PDZD2: variants seen among roughly 807,000 people sequenced by gnomAD.
PDZD2 encodes PDZ domain containing 2.
In PDZD2, 90 loss-of-function variants were observed where a neutral mutation model predicts 220.7. The observed-to-expected ratio is 0.41, with a 90% CI of 0.34 to 0.49. The LOEUF (loss-of-function observed/expected upper bound fraction) is 0.49, where lower values mean the gene tolerates loss of function less well. PDZD2 is among the 20% of genes least tolerant of loss of function. The pLI, the probability that PDZD2 is intolerant of heterozygous loss-of-function variation, is 0.28. For synonymous variants in PDZD2, 1,375 were observed against 1,450.5 expected (o/e 0.95, Z 1.18); for missense variants, 3,174 against 3,608.5 (o/e 0.88, Z 3.08).
intron 2 of PDZD2, among the ~76,000 whole-genome samples, chr5:31,818,145 G>GTT (rs999767352): frequency 1.3e-5 from 2 of 149,952 alleles, no homozygotes; most frequent in Non-Finnish European, 3.0e-5. Context: ...AATGTTTTGT[G>GTT]TTTTTTTTTA....
intron 1 of PDZD2, among the ~76,000 whole-genome samples, chr5:31,771,651 A>T (rs1469354829): frequency 6.6e-6 from 1 of 152,248 alleles, no homozygotes; most frequent in Non-Finnish European, 1.5e-5. Flanking sequence ...CTTACTCATC[A>T]GCAAGAACAA....
chr5:31,730,146 A>G (rs1199287556), intron 1 of PDZD2, among the ~76,000 whole-genome samples: 2 of 152,122 alleles, frequency 1.3e-5, no homozygotes, highest in Non-Finnish European at 2.9e-5. Flanking sequence ...GTTATTAATA[A>G]CTATTTGCTG....
At position 32,110,507 on chromosome 5, in the gene PDZD2, C is replaced by T. The variant is rs554610368; in HGVS notation, c.*2372C>T. On this transcript the variant is annotated 3_prime_UTR_variant, in exon 25 of 25. Transcript: ENST00000438447. ...GTATTTCTAATTAGCCTAATAAATT[C>T]CCACACTTTCTGAAGTGAACACTAA... 26 of 152,744 alleles carry T rather than the reference C, an allele frequency of 1.7e-4. No individual in the cohort carries two copies. Among genetic ancestry groups the T allele is most frequent in the African/African-American group, 6.0e-4 (25 of 41,560 alleles). The allele number at this position is 152,744 out of a possible 1,614,324, so 9.5% of individuals were successfully genotyped here.
At chr5:31,775,664 C>CGTGTGTGTTT (rs1554073327) in intron 1 of PDZD2, among the ~76,000 whole-genome samples, 1 of 135,374 alleles carries the variant, frequency 7.4e-6, no homozygotes, top group Non-Finnish European at 1.6e-5. Flanking sequence ...ACTCACAGAG[C>CGTGTGTGTTT]GTGTGTGTGT....
At chr5:31,733,692 A>G (rs561449238) in intron 1 of PDZD2, among the ~76,000 whole-genome samples, 2 of 152,326 alleles carry the variant, frequency 1.3e-5, no homozygotes, top group East Asian at 3.9e-4. Flanking sequence ...CGAAGCCAGT[A>G]CATTCAGAAA....
chr5:32,053,253 A>G (rs1162362536), intron 9 of PDZD2, among the ~76,000 whole-genome samples: 1 of 152,272 alleles, frequency 6.6e-6, no homozygotes, highest in Non-Finnish European at 1.5e-5. Context: ...AGCTTCAGGG[A>G]GTACCCTTGG....
chr5:31,791,290 GA>G (rs1753709477), intron 1 of PDZD2, among the ~76,000 whole-genome samples: 1 of 151,954 alleles, frequency 6.6e-6, no homozygotes, highest in South Asian at 2.1e-4. Context: ...ACTTTGCTGA[GA>G]GTGAAAAAGC....
At chr5:31,766,195 A>G (rs1172698986) in intron 1 of PDZD2, among the ~76,000 whole-genome samples, 3 of 152,040 alleles carry the variant, frequency 2.0e-5, no homozygotes, top group Non-Finnish European at 2.9e-5. Context: ...AAACAAACAA[A>G]CAAAAATTCT....
At chr5:31,819,058 C>T (rs1423403922) in intron 2 of PDZD2, among the ~76,000 whole-genome samples, 1 of 152,192 alleles carries the variant, frequency 6.6e-6, no homozygotes, top group Non-Finnish European at 1.5e-5. Flanking sequence ...TTTGTCACTA[C>T]AACCAGCTAT....
At chr5:31,879,677 C>G (rs2150334424) in intron 2 of PDZD2, among the ~76,000 whole-genome samples, 1 of 152,178 alleles carries the variant, frequency 6.6e-6, no homozygotes, top group Non-Finnish European at 1.5e-5. Context: ...TGTGCAGCAG[C>G]CTTCAGAGAT....
chr5:31,639,734 C>CA lies in PDZD2; in HGVS notation c.-361+299dup, dbSNP rs1439209677. 2.0e-5 allele frequency among the ~76,000 whole-genome samples: 3 copies of CA among 152,130 alleles called. No individual in the cohort carries two copies. Among genetic ancestry groups the CA allele is most frequent in the Admixed American group, 1.3e-4 (2 of 15,276 alleles). ...CCGGAGACGCACTGCCGGGGGTACT[C>CA]AAGACAGGGCCGGGACCTCCTGCTC... On this transcript the variant is annotated intron_variant, in intron 1 of 24. Coordinates refer to ENST00000438447, the MANE Select transcript of PDZD2 (RefSeq NM_178140.4). The surrounding 1 kb of genome is among the most constrained non-coding windows in gnomAD (Gnocchi z 4.1).
intron 2 of PDZD2, among the ~76,000 whole-genome samples, chr5:31,972,950 T>G (rs181852322): frequency 4.1e-4 from 62 of 152,346 alleles, no homozygotes; most frequent in African/African-American, 1.4e-3. Flanking sequence ...AGTAATTTAA[T>G]AAAGAAATGC....
intron 1 of PDZD2, among the ~76,000 whole-genome samples, chr5:31,774,938 G>A (rs1752551248): frequency 6.6e-6 from 1 of 152,196 alleles, no homozygotes; most frequent in Non-Finnish European, 1.5e-5. Context: ...CTGATTTGTA[G>A]CATTTGCCAA....
At position 32,074,242 on chromosome 5, in the gene PDZD2, C is replaced by G; in HGVS notation, c.3136C>G (p.Pro1046Ala). ...GSSVDLEESIPEGMVDAASYA... is the reference protein window; with the variant it reads ...GSSVDLEESIAEGMVDAASYA... ...CTCAGTGGACTTAGAGGAGAGTATC[C>G]CAGAGGGCATGGTGGATGCTGCGTC... Residue 1046 changes from proline (P) to alanine (A), a missense_variant, in exon 18 of 25, where the codon CCA (proline) becomes GCA (alanine). By Grantham distance (27) the Pro-to-Ala change is conservative (BLOSUM62 -1). Transcript: ENST00000438447. 1 of 1,614,170 alleles carries G rather than the reference C, an allele frequency of 6.2e-7. No individual in the cohort carries two copies. The highest frequency in any genetic ancestry group is 8.5e-7 in the Non-Finnish European group (1 of 1,180,038).
chr5:31,690,802 C>T lies in PDZD2; in HGVS notation c.-361+51365C>T, dbSNP rs535138186. Among the ~76,000 whole-genome samples, 31 of 152,318 alleles carry T rather than the reference C, an allele frequency of 2.0e-4. 1 individual carries two copies. The highest frequency in any genetic ancestry group is 7.5e-4 in the African/African-American group (31 of 41,576). On this transcript the variant is annotated intron_variant, in intron 1 of 24. Transcript: ENST00000438447. ...CAAAAACTTTTTCCAAATAATGTAA[C>T]ATTCACAGGTTCTGGGAATTAGGAT... is the stretch of plus-strand genomic sequence containing the variant.
rs147934134 is a variant in PDZD2 at position 31,815,536 on chromosome 5, A to G, written c.476+15812A>G. 4.8e-3 allele frequency among the ~76,000 whole-genome samples: 726 copies of G among 152,304 alleles called. 1 individual carries two copies. Among genetic ancestry groups the G allele is most frequent in the Non-Finnish European group, 7.2e-3 (493 of 68,026 alleles). On this transcript the variant is annotated intron_variant, in intron 2 of 24. Coordinates refer to ENST00000438447, the MANE Select transcript of PDZD2 (RefSeq NM_178140.4). ...TCAGCATCTGGTGTCTCACTGCTAC[A>G]AAGAGTCTGTTTTGTCTGTCTTGAA... is the stretch of plus-strand genomic sequence containing the variant.
Position 32,084,988 on chromosome 5 carries a change from G to C in PDZD2, c.3683-2143G>C, listed in dbSNP as rs190917339. On this transcript the variant is annotated intron_variant, in intron 19 of 24. Transcript: ENST00000438447. ...TTTTTTTTTTTTGAGACAGAGTCTT[G>C]CTCTGTTGCCCAGGCTTGAAGGCAG... is the stretch of plus-strand genomic sequence containing the variant. 3.6e-5 allele frequency among the ~76,000 whole-genome samples: 4 copies of C among 111,736 alleles called. No homozygotes were observed. The East Asian group carries it at 1.1e-3, about 30-fold the overall frequency. 73.3% of individuals were successfully genotyped at this position (111,736 alleles called of 152,430 possible).
intron 1 of PDZD2, among the ~76,000 whole-genome samples, chr5:31,720,510 G>A (rs1748724875): frequency 6.6e-6 from 1 of 152,126 alleles, no homozygotes; most frequent in South Asian, 2.1e-4. Context: ...ATTAATAGGA[G>A]GAAAAGAATA....
At chr5:31,832,184 G>A (rs1180534286) in intron 2 of PDZD2, among the ~76,000 whole-genome samples, 2 of 152,104 alleles carry the variant, frequency 1.3e-5, no homozygotes, top group Non-Finnish European at 2.9e-5. Flanking sequence ...TGAGCCTGGC[G>A]TGATTCCATT....
Sources: allele counts gnomAD v4.1 joint callset (sites outside exome capture counted in the v4.1 genomes callset), GRCh38; gene constraint gnomAD v4.1.1; non-coding constraint Gnocchi (gnomAD v3.1); transcripts MANE v1.5; gene names NCBI Gene and HGNC (gene_info 2026-07-23, HGNC 2026-07-21).